The following C1GALT1 variants were observed in gnomAD, a reference collection of about 807,000 sequenced individuals.
The protein encoded by C1GALT1 is glycoprotein-N-acetylgalactosamine 3-beta-galactosyltransferase 1.
C1GALT1 carries 11 observed loss-of-function variants against 31.0 expected under a neutral mutation model. The observed-to-expected ratio is 0.36, with a 90% CI of 0.22 to 0.59. The LOEUF is 0.59. C1GALT1 is among the 20% of genes least tolerant of loss of function. The pLI, the probability that C1GALT1 is intolerant of heterozygous loss-of-function variation, is 0.79. For missense variants in C1GALT1, 424 were observed against 425.2 expected (o/e 1.00, Z 0.03); for synonymous variants, 175 against 143.6 (o/e 1.22, Z -1.56).
rs1783896570 is a variant in C1GALT1 at position 7,247,601 on chromosome 7, C to T, written c.*3874C>T. On this transcript the variant is annotated 3_prime_UTR_variant, in exon 4 of 4. Transcript: ENST00000436587. Reference sequence around the variant, plus strand: ...TGAGACTGTCAAACTATAGTTACTACCAGGTTGATGCACTGTACTTGAAAG... The same window carrying T: ...TGAGACTGTCAAACTATAGTTACTATCAGGTTGATGCACTGTACTTGAAAG... 6.6e-6 allele frequency: 1 copy of T among 152,038 alleles called. No homozygotes were observed. The highest frequency in any genetic ancestry group is 2.4e-5 in the African/African-American group (1 of 41,434). 9.4% of individuals were successfully genotyped at this position (152,038 alleles called of 1,614,324 possible).
chr7:7,215,931 T>G (rs1583795569), intron 1 of C1GALT1, among the ~76,000 whole-genome samples: 1 of 152,094 alleles, frequency 6.6e-6, no homozygotes, highest in Non-Finnish European at 1.5e-5. Flanking sequence ...GCAGGGAACT[T>G]GAAGGTGCCC....
At chr7:7,185,489 C>T (rs1034205409) in intron 1 of C1GALT1, among the ~76,000 whole-genome samples, 2 of 152,206 alleles carry the variant, frequency 1.3e-5, no homozygotes, top group Non-Finnish European at 2.9e-5. Context: ...TATGGCCATG[C>T]TCTCTCAAGG....
chr7:7,200,935 G>T (rs994700282), intron 1 of C1GALT1, among the ~76,000 whole-genome samples: 2 of 152,156 alleles, frequency 1.3e-5, no homozygotes, highest in South Asian at 2.1e-4. Flanking sequence ...TTTGCGATGG[G>T]TTCGAGCATC....
At chr7:7,170,268 T>C (rs1489847268) in intron 2 of C1GALT1, among the ~76,000 whole-genome samples, 2 of 152,210 alleles carry the variant, frequency 1.3e-5, no homozygotes, top group Non-Finnish European at 1.5e-5. Context: ...CTATTGTTTA[T>C]TCTGTTTTAT....
intron 2 of C1GALT1, chr7:7,235,263 C>G (rs925245962): frequency 6.6e-6 from 1 of 152,174 alleles, no homozygotes; most frequent in African/African-American, 2.4e-5. Flanking sequence ...ATATAAGTAG[C>G]TTGAAAACAA....
intron 2 of C1GALT1, among the ~76,000 whole-genome samples, chr7:7,164,159 A>G (rs1021234013): frequency 6.6e-6 from 1 of 152,088 alleles, no homozygotes; most frequent in African/African-American, 2.4e-5. Flanking sequence ...CAGAAATAAC[A>G]CCGTATATCT....
chr7:7,159,976 T>C (rs1780316460), intron 2 of C1GALT1, among the ~76,000 whole-genome samples: 1 of 152,136 alleles, frequency 6.6e-6, no homozygotes, highest in South Asian at 2.1e-4. Context: ...CTAGGGAGCT[T>C]TGCACCAATC....
chr7:7,205,933 A>C lies in C1GALT1; in HGVS notation c.-18+23113A>C, dbSNP rs543275254. Among the ~76,000 whole-genome samples the C allele has an allele frequency of 5.8e-4, 88 of 151,634 alleles. No individual in the cohort carries two copies. In the South Asian group the frequency reaches 0.018, roughly 31 times the overall value. ...AAGGAGGAACTTCTGTCATTTTGCC[A>C]TTTTTTTCTATGTGCTTTGTAGCTA... On this transcript the variant is annotated intron_variant, in intron 1 of 3. Coordinates refer to ENST00000436587, the MANE Select transcript of C1GALT1 (RefSeq NM_020156.5).
chr7:7,202,175 A>G (rs771199375), intron 1 of C1GALT1, among the ~76,000 whole-genome samples: 3 of 152,156 alleles, frequency 2.0e-5, no homozygotes, highest in Non-Finnish European at 2.9e-5. Context: ...CACATTGGGC[A>G]CTCAGAGTTT....
chr7:7,198,155 G>T (rs1781378549), intron 1 of C1GALT1, among the ~76,000 whole-genome samples: 1 of 152,196 alleles, frequency 6.6e-6, no homozygotes, highest in Admixed American at 6.5e-5. Context: ...CATTGAGTAT[G>T]ATATTGGCTG....
chr7:7,181,949 C>G (rs1215335174), upstream of C1GALT1, among the ~76,000 whole-genome samples: 1 of 152,194 alleles, frequency 6.6e-6, no homozygotes, highest in Non-Finnish European at 1.5e-5. Context: ...CCCTAAGAAG[C>G]TCTTCCGGCC....
Position 7,193,215 on chromosome 7 carries a change from A to G in C1GALT1, c.-18+10395A>G, listed in dbSNP as rs118052949. On this transcript the variant is annotated intron_variant, in intron 1 of 3. Coordinates refer to ENST00000436587, the MANE Select transcript of C1GALT1 (RefSeq NM_020156.5). ...TTTGTTTTTGGGTTCATGGTCAGGA[A>G]GTCTTTGCCTAAGCCAATGTCTAGA... is the stretch of plus-strand genomic sequence containing the variant. 4.5e-3 allele frequency among the ~76,000 whole-genome samples: 682 copies of G among 152,268 alleles called. 39 individuals carry two copies. In the East Asian group the frequency reaches 0.12, roughly 27 times the overall value.
chr7:7,223,017 C>G (rs748078691), intron 1 of C1GALT1, among the ~76,000 whole-genome samples: 3 of 152,128 alleles, frequency 2.0e-5, no homozygotes, highest in Non-Finnish European at 4.4e-5. Flanking sequence ...CAAGCACATT[C>G]TCTCCTATCC....
chr7:7,233,373 C>G (rs1783181252), intron 1 of C1GALT1, among the ~76,000 whole-genome samples: 1 of 152,128 alleles, frequency 6.6e-6, no homozygotes, highest in South Asian at 2.1e-4. Context: ...AAGTGATTCT[C>G]CCACCTTATT....
intron 1 of C1GALT1, among the ~76,000 whole-genome samples, chr7:7,203,858 A>G (rs1332260609): frequency 6.8e-6 from 1 of 146,194 alleles, no homozygotes; most frequent in Non-Finnish European, 1.5e-5. Flanking sequence ...AAACTATATT[A>G]TTATTGTTAA....
chr7:7,228,649 C>T (rs542068239), intron 1 of C1GALT1, among the ~76,000 whole-genome samples: 6 of 152,088 alleles, frequency 3.9e-5, no homozygotes, highest in South Asian at 4.2e-4. Flanking sequence ...GTCATAAGGC[C>T]GGAGTCCTTT....
At chr7:7,182,063 C>A (rs1238754609), upstream of C1GALT1, among the ~76,000 whole-genome samples, 1 of 152,190 alleles carries the variant, frequency 6.6e-6, no homozygotes, top group African/African-American at 2.4e-5. Context: ...CTGGTTCTCA[C>A]ATGATGACCC....
At chr7:7,169,353 G>A (rs1780429273) in intron 2 of C1GALT1, among the ~76,000 whole-genome samples, 1 of 152,104 alleles carries the variant, frequency 6.6e-6, no homozygotes, top group Admixed American at 6.6e-5. Context: ...TCTGTTTTCA[G>A]TTATTTGGGG....
In C1GALT1 at chr7:7,247,323, G is replaced by A. The variant is rs775286875; in HGVS notation, c.*3596G>A. The A allele has an allele frequency of 1.3e-4, 20 of 151,968 alleles. No individual in the cohort carries two copies. Among genetic ancestry groups the A allele is most frequent in the Non-Finnish European group, 2.8e-4 (19 of 67,926 alleles). The allele number at this position is 151,968 out of a possible 1,614,324, so 9.4% of individuals were successfully genotyped here. A position where few individuals can be genotyped will look rare whatever the true frequency, so the allele number is the denominator to read the frequency against. On this transcript the variant is annotated 3_prime_UTR_variant, in exon 4 of 4. Transcript: ENST00000436587. ...TTTCAGTATGGTTTTAAAACATAAG[G>A]CTTTTGATGTCTTATGTTCTCTAAT...
Sources: gnomAD v4.1 joint callset for allele counts (sites outside exome capture counted in the v4.1 genomes callset) on GRCh38, gnomAD v4.1.1 for gene constraint, MANE v1.5 for transcripts, NCBI Gene and HGNC (gene_info 2026-07-23, HGNC 2026-07-21) for gene names.